IKBKE: variants seen among roughly 807,000 people sequenced by gnomAD.
IKBKE encodes the protein inhibitor of nuclear factor kappa B kinase subunit epsilon.
Under a neutral mutation model 92.1 loss-of-function variants are expected in IKBKE, and 45 were observed. The observed-to-expected ratio is 0.49, with a 90% CI of 0.38 to 0.63. The LOEUF is 0.63. IKBKE is among the 20% of genes least tolerant of loss of function. The pLI is 0.00. For synonymous variants in IKBKE, 374 were observed against 380.3 expected (o/e 0.98, Z 0.19); for missense variants, 700 against 932.8 (o/e 0.75, Z 3.25).
rs577950477 is a variant in IKBKE, at chr1:206,496,192, A to C, written c.*47A>C. 2.0e-5 allele frequency: 30 copies of C among 1,514,268 alleles called. No individual in the cohort carries two copies. In the South Asian group the frequency reaches 3.4e-4, roughly 17 times the overall value. 93.8% of individuals were successfully genotyped at this position (1,514,268 alleles called of 1,614,324 possible). A position where few individuals can be genotyped will look rare whatever the true frequency, so the allele number is the denominator to read the frequency against. ...ATCCTGAAGCATTAGAATGATTCCA[A>C]CACTGCTCTTCTGCACCATGAGACC... On this transcript the variant is annotated 3_prime_UTR_variant, in exon 22 of 22. Transcript: ENST00000581977.
rs183490530 is a variant in IKBKE at position 206,474,900 on chromosome 1, C to T, written c.264C>T (p.Tyr88=). ...GSRQKVLVME[Y]CSSGSLLSVL... ...GGCAGAAGGTACTGGTGATGGAGTA[C>T]TGCTCCAGTGGGAGCCTGCTGAGTG... The change falls in exon 5 of 22, where the codon TAC becomes TAT. Residue 88 remains tyrosine, a synonymous_variant. Transcript: ENST00000581977. The T allele has an allele frequency of 1.2e-6, 2 of 1,614,084 alleles. No individual in the cohort carries two copies.
chr1:206,493,411 G>A (rs1553391256), intron 20 of IKBKE, 33 bp downstream of exon 20: 2 of 1,489,198 alleles, frequency 1.3e-6, no homozygotes, highest in Non-Finnish European at 1.9e-6. Context: ...TTGTGTATCT[G>A]TGTGGAAGGG....
chr1:206,478,214 G>A lies in IKBKE; in HGVS notation c.867G>A (p.Gln289=). The A allele has an allele frequency of 6.2e-7, 1 of 1,614,194 alleles. No homozygotes were observed. The highest frequency in any genetic ancestry group is 8.5e-7 in the Non-Finnish European group (1 of 1,180,048). ...PILANILEVE[Q]AKCWGFDQFF... ...TGGCCAACATCCTGGAGGTGGAGCAGGCCAAGTGCTGGGGCTTCGACCAGT... is the reference window on the plus strand; with the variant it reads ...TGGCCAACATCCTGGAGGTGGAGCAAGCCAAGTGCTGGGGCTTCGACCAGT... Residue 289 remains glutamine, a synonymous_variant, in exon 9 of 22, where the codon CAG becomes CAA. Coordinates refer to ENST00000581977, the MANE Select transcript of IKBKE (RefSeq NM_014002.4). This position sits in a 1 kb window ranked among gnomAD's most constrained non-coding sequence, Gnocchi z 4.8.
At chr1:206,474,596 T>G in intron 4 of IKBKE, 125 bp downstream of exon 4, 1 of 1,057,838 alleles carries the variant, frequency 9.5e-7, no homozygotes, top group Non-Finnish European at 1.3e-6. Flanking sequence ...AGCAGGCAAA[T>G]TGCAGAAGGG....
At position 206,476,239 on chromosome 1, in the gene IKBKE, GAAC is replaced by G. The variant is rs1558474086; in HGVS notation, c.419_421del (p.Asn140del). ...TTGTGCATCGCGACATCAAGCCGGG[GAAC>G]ATCATGCGCCTCGTAGGGGAGGAGG... On this transcript the variant is annotated inframe_deletion, in exon 6 of 22. Coordinates refer to ENST00000581977, the MANE Select transcript of IKBKE (RefSeq NM_014002.4). The surrounding 1 kb of genome is among the most constrained non-coding windows in gnomAD (Gnocchi z 5.1). 6.2e-7 allele frequency: 1 copy of G among 1,614,154 alleles called. No homozygotes were observed. Among genetic ancestry groups the G allele is most frequent in the East Asian group, 2.2e-5 (1 of 44,882 alleles).
chr1:206,494,710 T>C (rs1415826200), intron 21 of IKBKE, among the ~76,000 whole-genome samples: 1 of 148,154 alleles, frequency 6.7e-6, no homozygotes, highest in East Asian at 2.1e-4. Context: ...TTCAAGCAAT[T>C]CTCCTGCCTC....
At chr1:206,492,376 GCCTGTAGGACCTCA>G (rs1553390638) in intron 18 of IKBKE, 1 of 453,036 alleles carries the variant, frequency 2.2e-6, no homozygotes, top group Non-Finnish European at 4.6e-6. Flanking sequence ...ACATTCTGAG[GCCTGTAGGACCTCA>G]CCTTGTTATG....
At chr1:206,477,421 G>A (rs1665126466) in intron 7 of IKBKE, among the ~76,000 whole-genome samples, 1 of 152,166 alleles carries the variant, frequency 6.6e-6, no homozygotes, top group African/African-American at 2.4e-5. Flanking sequence ...GCTGGACTCT[G>A]AAGGGAAAGA....
Position 206,485,456 on chromosome 1 carries a change from C to T in IKBKE, c.1616+150C>T. 1.6e-6 allele frequency: 1 copy of T among 611,888 alleles called. No individual in the cohort carries two copies. The highest frequency in any genetic ancestry group is 1.9e-5 in the South Asian group (1 of 51,804). The allele number at this position is 611,888 out of a possible 1,614,324, so 37.9% of individuals were successfully genotyped here. A position where few individuals can be genotyped will look rare whatever the true frequency, so the allele number is the denominator to read the frequency against. On this transcript the variant is annotated intron_variant, in intron 15 of 21. Coordinates refer to ENST00000581977, the MANE Select transcript of IKBKE (RefSeq NM_014002.4). The surrounding 1 kb of genome is among the most constrained non-coding windows in gnomAD (Gnocchi z 5.0). ...CATGGGGGAGTAGAGGGAGATCCAG[C>T]AATAAACAAGAACCCCCCGACTGCC...
At position 206,491,679 on chromosome 1, in the gene IKBKE, C is replaced by T. The variant is rs1665958176; in HGVS notation, c.1765C>T (p.Leu589=). The change falls in exon 18 of 22, where the codon CTG becomes TTG. Residue 589 remains leucine, a synonymous_variant. Transcript: ENST00000581977. The part of the protein sequence containing the change: ...VNFSHLAKRL[L]QVFQEECVQK... ...TTTCAGTCATTTAGCCAAAAGACTC[C>T]TGCAGGTGTTCCAGGAGGAGTGCGT... 1.9e-6 allele frequency: 3 copies of T among 1,613,558 alleles called. No individual in the cohort carries two copies. Among genetic ancestry groups the T allele is most frequent in the Non-Finnish European group, 2.5e-6 (3 of 1,179,636 alleles).
rs56035621 is a variant in IKBKE at position 206,474,379 on chromosome 1, C to G, written c.136C>G (p.Leu46Val). The change falls in exon 4 of 22, where the codon CTG (leucine) becomes GTG (valine). Residue 46 changes from leucine (L) to valine (V), a missense_variant. Leu to Val is a conservative substitution (Grantham distance 32, BLOSUM62 1). Coordinates refer to ENST00000581977, the MANE Select transcript of IKBKE (RefSeq NM_014002.4). ...AVKVFNTTSY[L>V]RPREVQVREF... ...GAAGGTCTTCAACACTACCAGCTAC[C>G]TGCGGCCCCGCGAGGTGCAGGTGAG... The G allele has an allele frequency of 6.2e-7, 1 of 1,614,108 alleles. No homozygotes were observed. Among genetic ancestry groups the G allele is most frequent in the South Asian group, 1.1e-5 (1 of 91,088 alleles).
Position 206,490,261 on chromosome 1 carries a change from G to A in IKBKE, c.1694-558G>A, listed in dbSNP as rs1351765956. The stretch of plus-strand genomic sequence containing the variant: ...AGGCCCATTCCTGCGAAGACCAGGA[G>A]GGGGCAGCATCTCCCTAGTGCATGA... On this transcript the variant is annotated intron_variant, in intron 16 of 21. Transcript: ENST00000581977. The surrounding 1 kb of genome is among the most constrained non-coding windows in gnomAD (Gnocchi z 5.2). Among the ~76,000 whole-genome samples, 2 of 152,236 alleles carry A rather than the reference G, an allele frequency of 1.3e-5. No individual in the cohort carries two copies. Among genetic ancestry groups the A allele is most frequent in the African/African-American group, 4.8e-5 (2 of 41,470 alleles).
intron 16 of IKBKE, among the ~76,000 whole-genome samples, chr1:206,489,958 G>A (rs1665864288): frequency 6.6e-6 from 1 of 152,182 alleles, no homozygotes; most frequent in African/African-American, 2.4e-5. Flanking sequence ...AATGCCCGGT[G>A]GTCTTCAGGC....
chr1:206,475,359 T>C (rs1665002100), intron 5 of IKBKE, among the ~76,000 whole-genome samples: 1 of 152,216 alleles, frequency 6.6e-6, no homozygotes, highest in African/African-American at 2.4e-5. Flanking sequence ...CATACATTCA[T>C]AGAAACAGAA....
At position 206,480,003 on chromosome 1, in the gene IKBKE, G is replaced by T. The variant is rs199949263; in HGVS notation, c.1249-19G>T. On this transcript the variant is annotated intron_variant, in intron 11 of 21. Transcript: ENST00000581977. ...GGTAGGAGGTGTGGGACCTGGCCCT[G>T]TGCATCTCTGTGTTTCAGGGCGTGT... 3.0e-5 allele frequency: 48 copies of T among 1,611,176 alleles called. No homozygotes were observed. Among genetic ancestry groups the T allele is most frequent in the Non-Finnish European group, 4.1e-5 (48 of 1,178,926 alleles).
intron 17 of IKBKE, chr1:206,491,321 C>T (rs545944645): frequency 1.6e-5 from 6 of 375,902 alleles, no homozygotes; most frequent in Non-Finnish European, 2.5e-5. Context: ...CACACACACA[C>T]GCACTCACAC....
Position 206,478,623 on chromosome 1 carries a change from C to G in IKBKE, c.992+284C>G, listed in dbSNP as rs1665201763. On this transcript the variant is annotated intron_variant, in intron 9 of 21. Transcript: ENST00000581977. This position sits in a 1 kb window ranked among gnomAD's most constrained non-coding sequence, Gnocchi z 4.8. ...GGCTGTACATTTCGTAAAGGTACTGCTCATAGTACCCTTGATTCCTGGATA... is the reference window on the plus strand; with the variant it reads ...GGCTGTACATTTCGTAAAGGTACTGGTCATAGTACCCTTGATTCCTGGATA... Among the ~76,000 whole-genome samples, 2 of 152,144 alleles carry G rather than the reference C, an allele frequency of 1.3e-5. No individual in the cohort carries two copies. The highest frequency in any genetic ancestry group is 4.1e-4 in the South Asian group (2 of 4,828).
Position 206,480,523 on chromosome 1 carries a change from G to A in IKBKE, c.1417G>A (p.Gly473Arg), listed in dbSNP as rs782741977. The A allele has an allele frequency of 8.1e-6, 13 of 1,613,012 alleles. No individual in the cohort carries two copies. The highest frequency in any genetic ancestry group is 1.1e-5 in the Non-Finnish European group (13 of 1,179,456). The change falls in exon 13 of 22, where the codon GGA becomes AGA. Residue 473 changes from glycine to arginine, a missense_variant. Physicochemically the swap from Gly to Arg is moderately radical, Grantham distance 125 (BLOSUM62 -2). Coordinates refer to ENST00000581977, the MANE Select transcript of IKBKE (RefSeq NM_014002.4). ...CCTCCTCTACCTCAGCAGCAGCCTG[G>A]GAACTGAGAGGTGGGTGTTCGCCTC... Reference protein sequence around the residue: ...TSLLYLSSSLGTERFSSVAGT... With the variant: ...TSLLYLSSSLRTERFSSVAGT...
intron 7 of IKBKE, among the ~76,000 whole-genome samples, chr1:206,477,515 G>T (rs573296784): frequency 6.6e-6 from 1 of 152,178 alleles, no homozygotes; most frequent in South Asian, 2.1e-4. Flanking sequence ...GTAGCGGGGG[G>T]AGAGGCAGTG....
Sources: allele counts gnomAD v4.1 joint callset (sites outside exome capture counted in the v4.1 genomes callset), GRCh38; gene constraint gnomAD v4.1.1; non-coding constraint Gnocchi (gnomAD v3.1); transcripts MANE v1.5; gene names NCBI Gene and HGNC (gene_info 2026-07-23, HGNC 2026-07-21).